CPE: variants seen among roughly 807,000 people sequenced by gnomAD.
CPE encodes carbocypeptidase E.
CPE carries 17 observed loss-of-function variants against 53.5 expected under a neutral mutation model. That is an observed-to-expected ratio of 0.32 (90% CI 0.22 to 0.48). CPE has a LOEUF of 0.48. Among genes scored for constraint, CPE ranks in the 20% least tolerant of loss-of-function variants. The probability of loss-of-function intolerance (pLI) is 0.99; values close to 1 mark genes in which losing one functional copy is unlikely to be tolerated. For synonymous variants in CPE, 226 were observed against 228.8 expected (o/e 0.99, Z 0.11); for missense variants, 524 against 614.7 (o/e 0.85, Z 1.56).
At position 165,495,637 on chromosome 4, in the gene CPE, T is replaced by C; in HGVS notation, c.1292T>C (p.Ile431Thr). ...GCCTCAGCTCCAGGCTATCTGGCAA[T>C]AACAAAGAAAGTGGCAGTTCCTTAC... ...LTASAPGYLA[I>T]TKKVAVPYSP... The change falls in exon 8 of 9, where the codon ATA becomes ACA. Residue 431 changes from isoleucine to threonine, a missense_variant. Transcript: ENST00000402744. 1 of 1,613,934 alleles carries C rather than the reference T, an allele frequency of 6.2e-7. No homozygotes were observed. Among genetic ancestry groups the C allele is most frequent in the African/African-American group, 1.3e-5 (1 of 75,048 alleles).
chr4:165,476,666 C>T (rs959937404), intron 3 of CPE, among the ~76,000 whole-genome samples: 7 of 152,134 alleles, frequency 4.6e-5, no homozygotes, highest in African/African-American at 1.7e-4. Flanking sequence ...CGCCCATCAC[C>T]TAATGTTTGC....
chr4:165,488,254 C>T (rs1195481617), intron 6 of CPE, among the ~76,000 whole-genome samples: 1 of 152,104 alleles, frequency 6.6e-6, no homozygotes, highest in Non-Finnish European at 1.5e-5. Flanking sequence ...GACAGCTCAC[C>T]TGAAGTTGCT....
intron 1 of CPE, among the ~76,000 whole-genome samples, chr4:165,423,927 A>T: frequency 6.6e-6 from 1 of 151,366 alleles, no homozygotes; most frequent in East Asian, 1.9e-4. Context: ...GTTTACTGAG[A>T]ATGATGATTT....
At chr4:165,413,372 C>T (rs1353709659) in intron 1 of CPE, among the ~76,000 whole-genome samples, 1 of 152,130 alleles carries the variant, frequency 6.6e-6, no homozygotes, top group Non-Finnish European at 1.5e-5. Context: ...CTCTCCAGTA[C>T]CCAGCATGGT....
chr4:165,425,528 G>C (rs1036348916), intron 1 of CPE, among the ~76,000 whole-genome samples: 2 of 151,860 alleles, frequency 1.3e-5, no homozygotes, highest in Admixed American at 1.3e-4. Context: ...AATTCTACCT[G>C]CCCAGTTTTT....
At chr4:165,406,161 G>C in intron 1 of CPE, 2 of 731,698 alleles carry the variant, frequency 2.7e-6, no homozygotes, top group Non-Finnish European at 5.1e-6. Flanking sequence ...TTTATTCAGC[G>C]TATTTATCTT....
intron 1 of CPE, chr4:165,404,374 C>T: frequency 1.3e-6 from 1 of 768,030 alleles, no homozygotes; most frequent in Non-Finnish European, 2.4e-6. Flanking sequence ...ACTTAGGAGG[C>T]ATCTTCAGAC....
intron 1 of CPE, among the ~76,000 whole-genome samples, chr4:165,398,062 A>AAC (rs1560869461): frequency 6.7e-6 from 1 of 149,436 alleles, no homozygotes; most frequent in Non-Finnish European, 1.5e-5. Flanking sequence ...AAAAAAAAAA[A>AAC]AAAAAAAAAC....
At chr4:165,405,612 C>T in intron 1 of CPE, 1 of 788,896 alleles carries the variant, frequency 1.3e-6, no homozygotes, top group Admixed American at 1.7e-5. Flanking sequence ...ATCTTCTTAT[C>T]AGCTAGTCCT....
intron 4 of CPE, 64 bp downstream of exon 4, chr4:165,482,423 G>A (rs1732431862): frequency 2.7e-6 from 3 of 1,107,674 alleles, no homozygotes; most frequent in African/African-American, 1.6e-5. Flanking sequence ...GGTTTTATAA[G>A]ATGATTTCTG....
chr4:165,414,810 T>C (rs1042415379), intron 1 of CPE, among the ~76,000 whole-genome samples: 6 of 152,094 alleles, frequency 3.9e-5, no homozygotes, highest in African/African-American at 1.4e-4. Context: ...CAAATTGAGC[T>C]TGAAAAGTAC....
At chr4:165,456,426 CAAAAT>C (rs1280390408) in intron 1 of CPE, among the ~76,000 whole-genome samples, 2 of 152,216 alleles carry the variant, frequency 1.3e-5, no homozygotes, top group Non-Finnish European at 2.9e-5. Context: ...AAAGCCCCCA[CAAAAT>C]AAAAGCTTCT....
chr4:165,387,614 G>T (rs188762416), intron 1 of CPE, among the ~76,000 whole-genome samples: 1,575 of 152,004 alleles, frequency 0.01, 21 homozygotes, highest in South Asian at 0.015. Flanking sequence ...TTCAAGACCA[G>T]CCTGACCAAC....
intron 1 of CPE, among the ~76,000 whole-genome samples, chr4:165,454,424 G>A (rs1012564828): frequency 3.9e-5 from 6 of 152,208 alleles, no homozygotes; most frequent in Non-Finnish European, 8.8e-5. Context: ...TTTTCCTTTT[G>A]AGAGAATAAA....
intron 1 of CPE, among the ~76,000 whole-genome samples, chr4:165,439,531 A>G (rs1311121293): frequency 6.7e-6 from 1 of 148,748 alleles, no homozygotes; most frequent in Non-Finnish European, 1.5e-5. Flanking sequence ...TAAAAGGAAC[A>G]ATGTGTTGTG....
At chr4:165,391,627 A>G (rs970034948) in intron 1 of CPE, among the ~76,000 whole-genome samples, 1 of 152,172 alleles carries the variant, frequency 6.6e-6, no homozygotes, top group Non-Finnish European at 1.5e-5. Flanking sequence ...TCTGAGTAGT[A>G]GAGGGCTGTA....
At chr4:165,456,942 G>C (rs1731913189) in intron 1 of CPE, among the ~76,000 whole-genome samples, 1 of 151,640 alleles carries the variant, frequency 6.6e-6, no homozygotes, top group African/African-American at 2.4e-5. Context: ...AGTTTCACCA[G>C]CTTGACCAGG....
intron 1 of CPE, among the ~76,000 whole-genome samples, chr4:165,457,744 A>C (rs1267860394): frequency 6.6e-6 from 1 of 152,222 alleles, no homozygotes; most frequent in Non-Finnish European, 1.5e-5. Flanking sequence ...TGAAGGAAGA[A>C]GCAAGAAGAG....
intron 1 of CPE, among the ~76,000 whole-genome samples, chr4:165,437,494 G>A (rs1731527277): frequency 6.6e-6 from 1 of 152,066 alleles, no homozygotes; most frequent in African/African-American, 2.4e-5. Flanking sequence ...AAACCCTTTG[G>A]GTCAAACACT....
Sources: gnomAD v4.1 joint callset for allele counts (sites outside exome capture counted in the v4.1 genomes callset) on GRCh38, gnomAD v4.1.1 for gene constraint, MANE v1.5 for transcripts, NCBI Gene and HGNC (gene_info 2026-07-23, HGNC 2026-07-21) for gene names.